The following LRRTM4 variants were observed in gnomAD, a reference collection of about 807,000 sequenced individuals.
The protein encoded by LRRTM4 is leucine rich repeat transmembrane neuronal 4, also known as leucine-rich repeat transmembrane neuronal protein 4.
A neutral mutation model predicts 47.6 loss-of-function variants in LRRTM4; 25 were observed. The observed-to-expected ratio is 0.53, with a 90% CI of 0.38 to 0.73. The LOEUF is 0.73. Ranked by LOEUF, LRRTM4 falls within the 30% of genes least tolerant of loss-of-function variation. The pLI is 0.00. For missense variants in LRRTM4, 638 were observed against 713.4 expected (o/e 0.89, Z 1.20); for synonymous variants, 311 against 269.5 (o/e 1.15, Z -1.51).
chr2:77,153,772 C>T (rs888400195), intron 3 of LRRTM4, among the ~76,000 whole-genome samples: 4 of 152,130 alleles, frequency 2.6e-5, no homozygotes, highest in Admixed American at 2.0e-4. Flanking sequence ...CATATATATA[C>T]ATCTGAAAAT....
At chr2:76,837,923 C>G (rs1428169077) in intron 3 of LRRTM4, among the ~76,000 whole-genome samples, 10 of 146,854 alleles carry the variant, frequency 6.8e-5, no homozygotes, top group Admixed American at 5.5e-4. Flanking sequence ...ACATCACACT[C>G]TGGGGACTGT....
chr2:76,806,637 C>T (rs79936217), intron 3 of LRRTM4, among the ~76,000 whole-genome samples: 2 of 151,524 alleles, frequency 1.3e-5, no homozygotes, highest in African/African-American at 4.9e-5. Context: ...AACAGTTGAA[C>T]ATTTTTATAA....
chr2:76,817,773 G>T (rs982611067), intron 3 of LRRTM4, among the ~76,000 whole-genome samples: 7 of 151,966 alleles, frequency 4.6e-5, no homozygotes, highest in African/African-American at 1.7e-4. Context: ...TTGAACAAGA[G>T]ATATTTTTAA....
In LRRTM4 at chr2:77,012,185, T is replaced by C. The variant is rs560887527; in HGVS notation, c.1552-263269A>G. Among the ~76,000 whole-genome samples the C allele has an allele frequency of 5.3e-5, 8 of 152,150 alleles. No homozygotes were observed. In the East Asian group the frequency reaches 5.8e-4, roughly 11 times the overall value. ...AAATTGAGAGAATATAAATGCACCATAGGCAAGCAGGGAAGCTTACTCAAG... is the reference window on the plus strand; with the variant it reads ...AAATTGAGAGAATATAAATGCACCACAGGCAAGCAGGGAAGCTTACTCAAG... On this transcript the variant is annotated intron_variant, in intron 3 of 3. Coordinates refer to ENST00000409884, the MANE Select transcript of LRRTM4 (RefSeq NM_001134745.3).
intron 3 of LRRTM4, among the ~76,000 whole-genome samples, chr2:77,068,082 T>C (rs1002513470): frequency 1.3e-5 from 2 of 152,172 alleles, no homozygotes; most frequent in East Asian, 1.9e-4. Flanking sequence ...AGGTGATATA[T>C]GGACAAGAGA....
intron 3 of LRRTM4, among the ~76,000 whole-genome samples, chr2:77,133,814 C>T (rs909119453): frequency 6.6e-5 from 10 of 152,090 alleles, no homozygotes; most frequent in East Asian, 1.9e-4. Flanking sequence ...CATGAGTTTC[C>T]GCAGTCAGTT....
At chr2:77,443,635 A>T (rs1298472524) in intron 3 of LRRTM4, among the ~76,000 whole-genome samples, 1 of 152,172 alleles carries the variant, frequency 6.6e-6, no homozygotes, top group Non-Finnish European at 1.5e-5. Flanking sequence ...TGGGGTGATA[A>T]AACATAGTAT....
intron 3 of LRRTM4, among the ~76,000 whole-genome samples, chr2:77,362,164 A>AGAAG (rs1553434446): frequency 8.6e-5 from 13 of 151,474 alleles, no homozygotes; most frequent in African/African-American, 3.2e-4. Context: ...AAAGAAAGAA[A>AGAAG]GAAAGAAAGG....
chr2:77,294,781 T>A (rs908526515), intron 3 of LRRTM4, among the ~76,000 whole-genome samples: 2 of 152,162 alleles, frequency 1.3e-5, no homozygotes, highest in Non-Finnish European at 2.9e-5. Flanking sequence ...ATGTATCTTC[T>A]TTGCAGCAAC....
chr2:76,867,228 GTAAAA>G (rs1182910787), intron 3 of LRRTM4, among the ~76,000 whole-genome samples: 3 of 152,076 alleles, frequency 2.0e-5, no homozygotes, highest in Admixed American at 6.6e-5. Context: ...AGAACTTAAA[GTAAAA>G]TAAAATAAGA....
At chr2:76,982,504 T>C (rs1401334407) in intron 3 of LRRTM4, among the ~76,000 whole-genome samples, 1 of 152,036 alleles carries the variant, frequency 6.6e-6, no homozygotes, top group African/African-American at 2.4e-5. Flanking sequence ...TTCTTTGCAA[T>C]TTTTTTGAGC....
At chr2:76,870,330 C>T (rs1672587165) in intron 3 of LRRTM4, among the ~76,000 whole-genome samples, 1 of 152,076 alleles carries the variant, frequency 6.6e-6, no homozygotes. Context: ...AATACTACAA[C>T]CCTCCCTGGC....
chr2:76,914,255 ATAATT>A (rs151037078), intron 3 of LRRTM4, among the ~76,000 whole-genome samples: 2,088 of 152,098 alleles, frequency 0.014, 64 homozygotes, highest in African/African-American at 0.047. Flanking sequence ...CCATACATGA[ATAATT>A]TAATATATTT....
intron 3 of LRRTM4, among the ~76,000 whole-genome samples, chr2:76,855,351 G>C (rs1457766822): frequency 6.6e-6 from 1 of 152,134 alleles, no homozygotes; most frequent in African/African-American, 2.4e-5. Context: ...CCTTCAACAT[G>C]AAATCCAGAA....
At chr2:77,444,231 G>A (rs372723349) in intron 3 of LRRTM4, among the ~76,000 whole-genome samples, 17 of 152,090 alleles carry the variant, frequency 1.1e-4, no homozygotes, top group African/African-American at 1.7e-4. Flanking sequence ...GATAGATACC[G>A]AATATATTGG....
chr2:77,349,334 TA>T (rs143203194), intron 3 of LRRTM4, among the ~76,000 whole-genome samples: 134 of 146,218 alleles, frequency 9.2e-4, no homozygotes, highest in Admixed American at 1.9e-3. Flanking sequence ...ACAACAACAA[TA>T]AAAAAAAAAC....
At chr2:77,501,063 G>A (rs1678554128) in intron 3 of LRRTM4, among the ~76,000 whole-genome samples, 1 of 150,876 alleles carries the variant, frequency 6.6e-6, no homozygotes. Flanking sequence ...TTCCGGAGAG[G>A]ATAAAAGGCA....
intron 3 of LRRTM4, among the ~76,000 whole-genome samples, chr2:76,884,720 A>C (rs1001910852): frequency 3.3e-5 from 5 of 152,170 alleles, no homozygotes; most frequent in Admixed American, 2.0e-4. Flanking sequence ...TTTGGCAATA[A>C]GTTATGTCAA....
intron 3 of LRRTM4, among the ~76,000 whole-genome samples, chr2:77,509,450 A>G (rs1678900208): frequency 6.6e-6 from 1 of 152,082 alleles, no homozygotes; most frequent in African/African-American, 2.4e-5. Context: ...CTGGGGTATT[A>G]TTAAATATTG....
Sources: gnomAD v4.1 joint callset for allele counts (sites outside exome capture counted in the v4.1 genomes callset) on GRCh38, gnomAD v4.1.1 for gene constraint, MANE v1.5 for transcripts, NCBI Gene and HGNC (gene_info 2026-07-23, HGNC 2026-07-21) for gene names.